The following MEMO1 variants were observed in gnomAD, a reference collection of about 807,000 sequenced individuals.
The protein encoded by MEMO1 is protein MEMO1.
MEMO1 carries 6 observed loss-of-function variants against 45.2 expected under a neutral mutation model. That is an observed-to-expected ratio of 0.13 (90% CI 0.07 to 0.26). MEMO1 has a LOEUF of 0.26. Among genes scored for constraint, MEMO1 ranks in the 10% least tolerant of loss-of-function variants. MEMO1 has a pLI of 1.00. For missense variants in MEMO1, 184 were observed against 370.5 expected, an observed-to-expected ratio of 0.50 and a Z score of 4.13; for synonymous variants, 78 against 124.3, an observed-to-expected ratio of 0.63 and a Z score of 2.48.
chr2:31,996,277 G>A (rs1558564963), intron 2 of MEMO1, among the ~76,000 whole-genome samples: 2 of 152,012 alleles, frequency 1.3e-5, no homozygotes. Context: ...GCATGGCACG[G>A]TGGCTCACAC....
chr2:31,869,971 A>G lies in MEMO1; in HGVS notation c.658-19T>C, dbSNP rs1673448832. ...TCATACCCTAAAAAAAAAAAAAAAG[A>G]AGAGGAAGAAAAAAATAAAAGAAGA... On this transcript the variant is annotated intron_variant, in intron 8 of 9. Transcript: ENST00000404530. The G allele has an allele frequency of 7.2e-7, 1 of 1,392,228 alleles. No individual in the cohort carries two copies. Among genetic ancestry groups the G allele is most frequent in the Non-Finnish European group, 9.6e-7 (1 of 1,046,914 alleles). 86.2% of individuals were successfully genotyped at this position (1,392,228 alleles called of 1,614,324 possible).
chr2:31,894,145 T>C (rs1677367701), intron 6 of MEMO1, among the ~76,000 whole-genome samples: 1 of 152,124 alleles, frequency 6.6e-6, no homozygotes, highest in Non-Finnish European at 1.5e-5. Context: ...CTTTGTGTTA[T>C]GGAAATCAAC....
chr2:31,884,297 G>A (rs773797633), intron 7 of MEMO1, among the ~76,000 whole-genome samples: 16 of 152,012 alleles, frequency 1.1e-4, no homozygotes, highest in Admixed American at 3.9e-4. Flanking sequence ...TGACTGCAAC[G>A]TATTTCAGAT....
chr2:31,868,612 T>G, intron 9 of MEMO1, 120 bp from the exon 10 acceptor site: 1 of 945,710 alleles, frequency 1.1e-6, no homozygotes, highest in Non-Finnish European at 1.4e-6. Context: ...TTTTGCTCTT[T>G]TGTTTCTTGA....
At chr2:31,912,806 C>T (rs1335481839) in intron 6 of MEMO1, among the ~76,000 whole-genome samples, 1 of 152,072 alleles carries the variant, frequency 6.6e-6, no homozygotes, top group East Asian at 1.9e-4. Context: ...CTGAGTAGAA[C>T]CAGAATCTTC....
At chr2:31,963,467 A>G (rs1668260145) in intron 2 of MEMO1, among the ~76,000 whole-genome samples, 1 of 152,258 alleles carries the variant, frequency 6.6e-6, no homozygotes, top group Admixed American at 6.5e-5. Flanking sequence ...GGACAATGGT[A>G]GGAAACAAAT....
intron 3 of MEMO1, among the ~76,000 whole-genome samples, chr2:31,936,110 T>C (rs928025071): frequency 1.4e-4 from 22 of 151,938 alleles, no homozygotes; most frequent in Non-Finnish European, 2.4e-4. Flanking sequence ...ACTACAGGCA[T>C]CCGTCACCAC....
At chr2:31,960,881 T>A (rs909709930) in intron 2 of MEMO1, among the ~76,000 whole-genome samples, 1 of 152,142 alleles carries the variant, frequency 6.6e-6, no homozygotes, top group Non-Finnish European at 1.5e-5. Flanking sequence ...CCACCAGGCC[T>A]GGCCAAATCT....
intron 2 of MEMO1, among the ~76,000 whole-genome samples, chr2:31,953,096 C>T (rs367563597): frequency 6.6e-6 from 1 of 152,104 alleles, no homozygotes; most frequent in South Asian, 2.1e-4. Context: ...CTGGCCGGCA[C>T]GGTGTCTCAC....
chr2:31,997,371 T>C lies in MEMO1; in HGVS notation c.61+12816A>G, dbSNP rs538306217. Among the ~76,000 whole-genome samples, 4 of 152,248 alleles carry C rather than the reference T, an allele frequency of 2.6e-5. No individual in the cohort carries two copies. The South Asian group carries it at 6.2e-4, about 24-fold the overall frequency. On this transcript the variant is annotated intron_variant, in intron 2 of 9. Transcript: ENST00000404530. ...ACTATATTCAGAAAGACACACTATA[T>C]ACAGAGAAACAAACCACCACACCCA...
chr2:31,882,391 G>A (rs1433371857), intron 8 of MEMO1, among the ~76,000 whole-genome samples: 1 of 151,910 alleles, frequency 6.6e-6, no homozygotes, highest in African/African-American at 2.4e-5. Context: ...AAACAAAAAT[G>A]AAATTAGATA....
chr2:31,877,247 T>C (rs2147908021), intron 8 of MEMO1, among the ~76,000 whole-genome samples: 1 of 152,134 alleles, frequency 6.6e-6, no homozygotes, highest in South Asian at 2.1e-4. Context: ...AACAAATGAG[T>C]AAGTCATGCA....
rs555864930 is a variant in MEMO1 at position 31,903,359 on chromosome 2, T to C, written c.438-11225A>G. On this transcript the variant is annotated intron_variant, in intron 6 of 9. Transcript: ENST00000404530. The stretch of plus-strand genomic sequence containing the variant: ...GGTGCCAAGGTTGTTGTCATAGTAA[T>C]ACCACTGTGATTTATTCTCCTCTCC... 2.4e-5 allele frequency among the ~76,000 whole-genome samples: 3 copies of C among 124,516 alleles called. No homozygotes were observed. The South Asian group carries it at 8.3e-4, about 35-fold the overall frequency. The allele number at this position is 124,516 out of a possible 152,430, so 81.7% of individuals were successfully genotyped here.
chr2:31,988,209 T>C (rs749881196), intron 2 of MEMO1, among the ~76,000 whole-genome samples: 3 of 152,190 alleles, frequency 2.0e-5, no homozygotes, highest in Non-Finnish European at 4.4e-5. Context: ...TACTAAAATA[T>C]TATTTGTTTC....
At position 31,910,949 on chromosome 2, in the gene MEMO1, T is replaced by C. The variant is rs184514438; in HGVS notation, c.437+6977A>G. Among the ~76,000 whole-genome samples the C allele has an allele frequency of 3.3e-4, 50 of 151,838 alleles. No homozygotes were observed. In the East Asian group the frequency reaches 7.9e-3, roughly 24 times the overall value. ...CAGTAATAAAAACAATATAAACATA[T>C]ATATGTATAAATGATATGATGAGAG... is the stretch of plus-strand genomic sequence containing the variant. On this transcript the variant is annotated intron_variant, in intron 6 of 9. Transcript: ENST00000404530.
At chr2:31,869,079 A>G (rs923297871) in intron 9 of MEMO1, among the ~76,000 whole-genome samples, 2 of 152,206 alleles carry the variant, frequency 1.3e-5, no homozygotes, top group African/African-American at 4.8e-5. Context: ...AATACAGCTT[A>G]GAAGAAAAAC....
At chr2:31,885,248 T>C (rs896124160) in intron 7 of MEMO1, among the ~76,000 whole-genome samples, 4 of 152,118 alleles carry the variant, frequency 2.6e-5, no homozygotes, top group African/African-American at 7.2e-5. Context: ...ACCTCCCGAG[T>C]AGCTGGGACT....
chr2:31,969,404 C>T (rs540803902), intron 2 of MEMO1, among the ~76,000 whole-genome samples: 97 of 138,348 alleles, frequency 7.0e-4, no homozygotes, highest in Non-Finnish European at 1.7e-4. Context: ...CGTGTATATA[C>T]ATATATACAC....
At chr2:31,879,871 C>T (rs1204625934) in intron 8 of MEMO1, among the ~76,000 whole-genome samples, 1 of 152,200 alleles carries the variant, frequency 6.6e-6, no homozygotes, top group Non-Finnish European at 1.5e-5. Context: ...AGACTGAACT[C>T]ATCTTTTTCC....
Sources: allele counts gnomAD v4.1 joint callset (sites outside exome capture counted in the v4.1 genomes callset), GRCh38; gene constraint gnomAD v4.1.1; transcripts MANE v1.5; gene names NCBI Gene and HGNC (gene_info 2026-07-23, HGNC 2026-07-21).